MYT1L: variants seen among roughly 807,000 people sequenced by gnomAD.
The protein encoded by MYT1L is myelin transcription factor 1-like protein.
In MYT1L, 12 loss-of-function variants were observed where a neutral mutation model predicts 126.7. The observed-to-expected ratio is 0.09, with a 90% CI of 0.06 to 0.15. The LOEUF is 0.15. Ranked by LOEUF, MYT1L falls within the 10% of genes least tolerant of loss-of-function variation. The pLI is 1.00. For synonymous variants in MYT1L, 541 were observed against 604.2 expected, an observed-to-expected ratio of 0.90 and a Z score of 1.53; for missense variants, 979 against 1,585.2, an observed-to-expected ratio of 0.62 and a Z score of 6.49.
chr2:1,791,775 GAAAT>G lies in MYT1L; in HGVS notation c.*88_*91del, dbSNP rs2032132624. Reference sequence around the variant, plus strand: ...CATAACACTGTTTCAAATTCAAACAGAAATAAATATAGAACACTTTCTGGTAAGT... The same window carrying G: ...CATAACACTGTTTCAAATTCAAACAGAAATATAGAACACTTTCTGGTAAGT... On this transcript the variant is annotated 3_prime_UTR_variant, in exon 25 of 25. Transcript: ENST00000647738. The surrounding 1 kb of genome is among the most constrained non-coding windows in gnomAD (Gnocchi z 6.0). The G allele has an allele frequency of 7.9e-7, 1 of 1,258,900 alleles. No individual in the cohort carries two copies. Among genetic ancestry groups the G allele is most frequent in the East Asian group, 2.5e-5 (1 of 40,516 alleles). The allele number at this position is 1,258,900 out of a possible 1,614,324, so 78.0% of individuals were successfully genotyped here.
chr2:2,109,041 C>T (rs909348765), intron 3 of MYT1L, among the ~76,000 whole-genome samples: 2 of 152,228 alleles, frequency 1.3e-5, no homozygotes, highest in Non-Finnish European at 2.9e-5. Context: ...AGAGACACAG[C>T]ACACATTAGC....
At chr2:2,112,229 C>T (rs114438810) in intron 3 of MYT1L, among the ~76,000 whole-genome samples, 4 of 152,238 alleles carry the variant, frequency 2.6e-5, no homozygotes, top group African/African-American at 9.6e-5. Flanking sequence ...ATCTCTCTAT[C>T]GAAGCTCACA....
chr2:1,931,582 G>A (rs2054994112), intron 9 of MYT1L, among the ~76,000 whole-genome samples: 1 of 152,114 alleles, frequency 6.6e-6, no homozygotes, highest in Non-Finnish European at 1.5e-5. Flanking sequence ...TCTTCTGGGT[G>A]CTAATTACTG....
At position 1,845,302 on chromosome 2, in the gene MYT1L, G is replaced by GT. The variant is rs1395597269; in HGVS notation, c.2775-4460dup. Among the ~76,000 whole-genome samples, 4 of 152,132 alleles carry GT rather than the reference G, an allele frequency of 2.6e-5. No individual in the cohort carries two copies. In the East Asian group the frequency reaches 5.8e-4, roughly 22 times the overall value. ...ACCATCTTCCATTTTTAAAAGTGTC[G>GT]TTTTCTTTTCGTGAATGAGTTGGAA... On this transcript the variant is annotated intron_variant, in intron 19 of 24. Coordinates refer to ENST00000647738, the MANE Select transcript of MYT1L (RefSeq NM_001303052.2).
intron 1 of MYT1L, among the ~76,000 whole-genome samples, chr2:2,303,239 G>A (rs893366782): frequency 4.6e-5 from 7 of 152,176 alleles, no homozygotes; most frequent in African/African-American, 1.7e-4. Flanking sequence ...TGAAAAAGCG[G>A]ATCGCTCAAC....
At chr2:2,040,808 A>T (rs910383836) in intron 4 of MYT1L, among the ~76,000 whole-genome samples, 1 of 152,192 alleles carries the variant, frequency 6.6e-6, no homozygotes, top group African/African-American at 2.4e-5. Context: ...TGTATTTTTT[A>T]AAATTTCATT....
In MYT1L at chr2:1,922,539, G is replaced by C; in HGVS notation, c.1230C>G (p.Asp410Glu). 1 of 1,613,916 alleles carries C rather than the reference G, an allele frequency of 6.2e-7. No individual in the cohort carries two copies. Among genetic ancestry groups the C allele is most frequent in the East Asian group, 2.2e-5 (1 of 44,868 alleles). The change falls in exon 10 of 25, where the codon GAC becomes GAG. Residue 410 changes from aspartate to glutamate, a missense_variant. By Grantham distance (45) the Asp-to-Glu change is conservative (BLOSUM62 2). This residue lies in a region of MYT1L where 243 missense variants were observed against 363.9 expected (regional missense o/e 0.67). Coordinates refer to ENST00000647738, the MANE Select transcript of MYT1L (RefSeq NM_001303052.2). This position sits in a 1 kb window ranked among gnomAD's most constrained non-coding sequence, Gnocchi z 7.4. ...AKEDGCHERD[D>E]DTTSVNSDRS... ...TGTCCGAGTTCACAGAGGTGGTATC[G>C]TCGTCCCGCTCATGACACCCATCCT...
At chr2:2,319,641 C>A (rs906618434) in intron 1 of MYT1L, among the ~76,000 whole-genome samples, 3 of 152,038 alleles carry the variant, frequency 2.0e-5, no homozygotes, top group Admixed American at 1.3e-4. Flanking sequence ...AGGAAAGGGG[C>A]CTCAGGCTTC....
intron 21 of MYT1L, among the ~76,000 whole-genome samples, chr2:1,820,215 T>C (rs369765821): frequency 2.5e-4 from 38 of 152,212 alleles, no homozygotes; most frequent in African/African-American, 5.1e-4. Context: ...TGGTTGAGTA[T>C]AGAATACTGA....
chr2:2,289,656 C>T (rs905339657), intron 1 of MYT1L, among the ~76,000 whole-genome samples: 5 of 152,198 alleles, frequency 3.3e-5, no homozygotes, highest in Admixed American at 3.3e-4. Flanking sequence ...CAAATGTTAA[C>T]TCCCCCTCAC....
chr2:2,310,768 C>T (rs1361851511), intron 1 of MYT1L, among the ~76,000 whole-genome samples: 1 of 152,148 alleles, frequency 6.6e-6, no homozygotes, highest in Non-Finnish European at 1.5e-5. Context: ...GTCTTTCCTT[C>T]CCTGTTGGTC....
At chr2:1,985,714 C>T (rs1184406006) in intron 5 of MYT1L, among the ~76,000 whole-genome samples, 2 of 152,230 alleles carry the variant, frequency 1.3e-5, no homozygotes, top group East Asian at 3.8e-4. Flanking sequence ...AAAAATCACG[C>T]TACAAATCCT....
At chr2:1,857,904 C>G (rs1471455645) in intron 18 of MYT1L, among the ~76,000 whole-genome samples, 1 of 151,816 alleles carries the variant, frequency 6.6e-6, no homozygotes, top group Non-Finnish European at 1.5e-5. Context: ...ACTCTGTTGC[C>G]CAGGCTGGAG....
intron 4 of MYT1L, among the ~76,000 whole-genome samples, chr2:2,005,245 G>GACGTTCTTTCCTGCAT (rs2063108429): frequency 7.8e-6 from 1 of 127,898 alleles, no homozygotes; most frequent in East Asian, 2.6e-4. Context: ...CTCTCCTGCA[G>GACGTTCTTTCCTGCAT]GCGTTCTTTC....
chr2:2,279,564 TG>T, intron 2 of MYT1L, among the ~76,000 whole-genome samples: 1 of 121,684 alleles, frequency 8.2e-6, no homozygotes, highest in East Asian at 4.3e-4. Context: ...AAGGAATGAA[TG>T]AATGAAGGAA....
chr2:2,006,224 T>C (rs1205652091), intron 4 of MYT1L, among the ~76,000 whole-genome samples: 2 of 152,216 alleles, frequency 1.3e-5, no homozygotes, highest in Non-Finnish European at 2.9e-5. Flanking sequence ...AGTCTGCTTA[T>C]AGCCTAGTTT....
At chr2:2,115,003 T>C (rs2080008411) in intron 3 of MYT1L, among the ~76,000 whole-genome samples, 1 of 152,224 alleles carries the variant, frequency 6.6e-6, no homozygotes. Flanking sequence ...CTGTTCGTCA[T>C]ACACAGCAGA....
chr2:2,176,437 C>T (rs760776001), intron 2 of MYT1L, among the ~76,000 whole-genome samples: 7 of 151,804 alleles, frequency 4.6e-5, no homozygotes, highest in Admixed American at 2.0e-4. Context: ...CTCCCATACA[C>T]GGACATTCCC....
chr2:1,886,999 G>A (rs1292873479), intron 17 of MYT1L: 2 of 404,228 alleles, frequency 4.9e-6, no homozygotes, highest in Non-Finnish European at 8.7e-6. Context: ...CATTGTTGAG[G>A]TAAGCTGAAA....
Sources: allele counts gnomAD v4.1 joint callset (sites outside exome capture counted in the v4.1 genomes callset), GRCh38; gene constraint gnomAD v4.1.1; regional missense constraint gnomAD v4.1.1; non-coding constraint Gnocchi (gnomAD v3.1); transcripts MANE v1.5; gene names NCBI Gene and HGNC (gene_info 2026-07-23, HGNC 2026-07-21).